Variants in UBQLN4 observed in about 807,000 individuals in gnomAD.
UBQLN4 encodes ubiquilin-4.
Under a neutral mutation model 60.4 loss-of-function variants are expected in UBQLN4, and 11 were observed. The observed-to-expected ratio is 0.18, with a 90% CI of 0.11 to 0.30. The LOEUF is 0.30. Ranked by LOEUF, UBQLN4 falls within the 10% of genes least tolerant of loss-of-function variation. The pLI is 1.00. For synonymous variants in UBQLN4, 258 were observed against 313.1 expected, an observed-to-expected ratio of 0.82 and a Z score of 1.86; for missense variants, 417 against 795.5, an observed-to-expected ratio of 0.52 and a Z score of 5.72.
chr1:156,036,412 T>C lies in UBQLN4; in HGVS notation c.*566A>G, dbSNP rs1192110132. ...GGCATCTTCCTCCTTACCCTGGAATTTCCAACAGTTCCCACCAAAAAGTGC... is the reference window on the plus strand; with the variant it reads ...GGCATCTTCCTCCTTACCCTGGAATCTCCAACAGTTCCCACCAAAAAGTGC... On this transcript the variant is annotated 3_prime_UTR_variant, in exon 11 of 11. Transcript: ENST00000368309. The C allele has an allele frequency of 1.0e-6, 1 of 985,606 alleles. No homozygotes were observed. Among genetic ancestry groups the C allele is most frequent in the Non-Finnish European group, 1.2e-6 (1 of 830,088 alleles). The allele number at this position is 985,606 out of a possible 1,614,324, so 61.1% of individuals were successfully genotyped here.
rs890366745 is a variant in UBQLN4 at position 156,053,685 on chromosome 1, C to T, written c.17G>A (p.Gly6Glu). ...CCGAATGGGGGGCCTCGTCTCGGCC[C>T]CGCTCGGCTCCGCCATGCCGCCGCC... MAEPS[G>E]AETRPPIRVT... Residue 6 changes from glycine (G) to glutamate (E), a missense_variant, in exon 1 of 11, where the codon GGG becomes GAG. Physicochemically the swap from Gly to Glu is moderately conservative, Grantham distance 98. Transcript: ENST00000368309. 7.7e-7 allele frequency: 1 copy of T among 1,302,410 alleles called. No homozygotes were observed. Among genetic ancestry groups the T allele is most frequent in the Admixed American group, 3.6e-5 (1 of 27,876 alleles). The allele number at this position is 1,302,410 out of a possible 1,614,324, so 80.7% of individuals were successfully genotyped here.
At chr1:156,041,812 GAA>G (rs905816358) in intron 9 of UBQLN4, 58 bp downstream of exon 9, 202 of 1,521,330 alleles carry the variant, frequency 1.3e-4, no homozygotes, top group Non-Finnish European at 1.6e-4. Context: ...GTGGCAGAGA[GAA>G]GAGTTGAAGG....
chr1:156,034,811 T>G (rs1683354475), downstream of UBQLN4, among the ~76,000 whole-genome samples: 1 of 120,490 alleles, frequency 8.3e-6, no homozygotes, highest in African/African-American at 3.1e-5. Context: ...CATCATCAGT[T>G]ATCCCTTAAC....
At chr1:156,039,345 G>C (rs922184380) in intron 10 of UBQLN4, among the ~76,000 whole-genome samples, 1 of 149,628 alleles carries the variant, frequency 6.7e-6, no homozygotes, top group Non-Finnish European at 1.5e-5. Context: ...CTGCCTCCCA[G>C]GTTCAAGTGA....
Position 156,036,252 on chromosome 1 carries a change from G to A in UBQLN4, c.*726C>T, listed in dbSNP as rs150903542. The A allele has an allele frequency of 2.8e-5, 28 of 985,434 alleles. No homozygotes were observed. In the East Asian group the frequency reaches 7.8e-4, roughly 27 times the overall value. The allele number at this position is 985,434 out of a possible 1,614,324, so 61.0% of individuals were successfully genotyped here. On this transcript the variant is annotated 3_prime_UTR_variant, in exon 11 of 11. Coordinates refer to ENST00000368309, the MANE Select transcript of UBQLN4 (RefSeq NM_020131.5). ...TCCAACTTCCAAGCCTTTTACTCAG[G>A]CTGTCTCCCCCATTCCCTTCCTCCG...
chr1:156,040,199 G>A (rs1193823649), intron 10 of UBQLN4, among the ~76,000 whole-genome samples: 1 of 151,128 alleles, frequency 6.6e-6, no homozygotes, highest in Non-Finnish European at 1.5e-5. Context: ...TTCGAGACCA[G>A]CCTGGACAAC....
chr1:156,041,876 G>A lies in UBQLN4; in HGVS notation c.1462C>T (p.Pro488Ser). The A allele has an allele frequency of 3.1e-6, 5 of 1,610,650 alleles. No individual in the cohort carries two copies. Among genetic ancestry groups the A allele is most frequent in the South Asian group, 1.1e-5 (1 of 90,800 alleles). ...TLQTEAPGLV[P>S]SLGSFGISRT... ...CTCCTGCCCCCCTACCCTCACCTGG[G>A]TACCAGCCCAGGGGCCTCGGTCTGC... Residue 488 changes from proline (P) to serine (S), a missense_variant, in exon 9 of 11, where the codon CCC becomes TCC. Physicochemically the swap from Pro to Ser is moderately conservative, Grantham distance 74. Coordinates refer to ENST00000368309, the MANE Select transcript of UBQLN4 (RefSeq NM_020131.5).
intron 5 of UBQLN4, among the ~76,000 whole-genome samples, chr1:156,047,403 C>T (rs1683732958): frequency 6.6e-6 from 1 of 151,466 alleles, no homozygotes; most frequent in African/African-American, 2.4e-5. Flanking sequence ...GCCATCATGC[C>T]CGGCTAATTT....
At chr1:156,034,557 A>G (rs1440417078), downstream of UBQLN4, among the ~76,000 whole-genome samples, 1 of 150,796 alleles carries the variant, frequency 6.6e-6, no homozygotes, top group Non-Finnish European at 1.5e-5. Flanking sequence ...CAGCCTCCCA[A>G]AGTGCTGGGA....
chr1:156,041,734 T>C, intron 9 of UBQLN4, 63 bp from the exon 10 acceptor site: 3 of 1,462,402 alleles, frequency 2.1e-6, no homozygotes, highest in Non-Finnish European at 2.7e-6. Flanking sequence ...GAATGTGAGA[T>C]CCAGAAGGAA....
At chr1:156,033,570 C>T (rs1336783585), downstream of UBQLN4, among the ~76,000 whole-genome samples, 1 of 152,068 alleles carries the variant, frequency 6.6e-6, no homozygotes, top group Non-Finnish European at 1.5e-5. Flanking sequence ...GGGCTGGGCG[C>T]GACGGCTCAC....
At chr1:156,040,904 C>T (rs1367790677) in intron 10 of UBQLN4, among the ~76,000 whole-genome samples, 5 of 152,306 alleles carry the variant, frequency 3.3e-5, no homozygotes, top group Admixed American at 6.5e-5. Flanking sequence ...GAGGCTCACT[C>T]GAGGTAGGTC....
At chr1:156,037,173 T>G in intron 10 of UBQLN4, 43 bp from the exon 11 acceptor site, 2 of 1,595,282 alleles carry the variant, frequency 1.3e-6, no homozygotes, top group Non-Finnish European at 1.7e-6. Context: ...GGACCAATCT[T>G]GGGGGCCCTA....
At chr1:156,032,474 G>A (rs1414000323), downstream of UBQLN4, among the ~76,000 whole-genome samples, 2 of 144,452 alleles carry the variant, frequency 1.4e-5, no homozygotes, top group Non-Finnish European at 3.0e-5. Context: ...TCACACCACC[G>A]CACTCCAGCC....
chr1:156,038,572 G>C (rs150987066), intron 10 of UBQLN4, among the ~76,000 whole-genome samples: 1 of 150,350 alleles, frequency 6.7e-6, no homozygotes, highest in South Asian at 2.1e-4. Context: ...CAGGAGAATC[G>C]CTTGAACCCG....
Position 156,036,360 on chromosome 1 carries a change from C to T in UBQLN4, c.*618G>A. 2.0e-6 allele frequency: 2 copies of T among 985,706 alleles called. No individual in the cohort carries two copies. The highest frequency in any genetic ancestry group is 2.4e-6 in the Non-Finnish European group (2 of 830,044). 61.1% of individuals were successfully genotyped at this position (985,706 alleles called of 1,614,324 possible). A position where few individuals can be genotyped will look rare whatever the true frequency, so the allele number is the denominator to read the frequency against. ...TTAATTCCTGTCCAGAGAGCTGTCT[C>T]ATCTCCCTCTTCAGACAGGGAGAAC... is the stretch of plus-strand genomic sequence containing the variant. On this transcript the variant is annotated 3_prime_UTR_variant, in exon 11 of 11. Transcript: ENST00000368309.
intron 5 of UBQLN4, among the ~76,000 whole-genome samples, chr1:156,046,701 G>A (rs1054843869): frequency 2.6e-5 from 4 of 151,796 alleles, no homozygotes; most frequent in Non-Finnish European, 5.9e-5. Flanking sequence ...ACTTAGCCAG[G>A]CGTGGTGGTG....
At chr1:156,040,380 CA>C (rs761867504) in intron 10 of UBQLN4, among the ~76,000 whole-genome samples, 1,423 of 125,752 alleles carry the variant, frequency 0.011, 18 homozygotes, top group African/African-American at 0.034. Flanking sequence ...AACTCTGTCT[CA>C]AAAAAAAAAA....
At position 156,050,616 on chromosome 1, in the gene UBQLN4, A is replaced by T; in HGVS notation, c.479-63T>A. ...ACAGTGTCCTCACTTAGCCAGAGCC[A>T]CTGAATTCAGATCTCCAGGACACGC... On this transcript the variant is annotated intron_variant, in intron 3 of 10. Coordinates refer to ENST00000368309, the MANE Select transcript of UBQLN4 (RefSeq NM_020131.5). This position sits in a 1 kb window ranked among gnomAD's most constrained non-coding sequence, Gnocchi z 4.6. 1 of 1,521,466 alleles carries T rather than the reference A, an allele frequency of 6.6e-7. No individual in the cohort carries two copies. The highest frequency in any genetic ancestry group is 8.8e-7 in the Non-Finnish European group (1 of 1,133,654). 94.2% of individuals were successfully genotyped at this position (1,521,466 alleles called of 1,614,324 possible). A position where few individuals can be genotyped will look rare whatever the true frequency, so the allele number is the denominator to read the frequency against.
Sources: allele counts gnomAD v4.1 joint callset (sites outside exome capture counted in the v4.1 genomes callset), GRCh38; gene constraint gnomAD v4.1.1; non-coding constraint Gnocchi (gnomAD v3.1); transcripts MANE v1.5; gene names NCBI Gene and HGNC (gene_info 2026-07-23, HGNC 2026-07-21).